The following CADM1 variants were observed in gnomAD, a reference collection of about 807,000 sequenced individuals.
The protein encoded by CADM1 is cell adhesion molecule 1, also known as TSLC-1.
A neutral mutation model predicts 53.1 loss-of-function variants in CADM1; 15 were observed. The observed-to-expected ratio is 0.28, with a 90% CI of 0.19 to 0.44. The LOEUF is 0.44. CADM1 is among the 20% of genes least tolerant of loss of function. CADM1 has a pLI of 1.00. For synonymous variants in CADM1, 281 were observed against 243.0 expected, an observed-to-expected ratio of 1.16 and a Z score of -1.45; for missense variants, 434 against 611.3, an observed-to-expected ratio of 0.71 and a Z score of 3.06.
intron 1 of CADM1, among the ~76,000 whole-genome samples, chr11:115,321,340 T>TATTTACTAA (rs1944820912): frequency 6.6e-6 from 1 of 152,130 alleles, no homozygotes; most frequent in Non-Finnish European, 1.5e-5. Flanking sequence ...AATATGCTAG[T>TATTTACTAA]GGTAAGTGCA....
intron 8 of CADM1, among the ~76,000 whole-genome samples, chr11:115,203,400 A>C (rs879616668): frequency 5.3e-5 from 8 of 152,176 alleles, no homozygotes; most frequent in Non-Finnish European, 1.2e-4. Flanking sequence ...TGTTGCCACG[A>C]GGGTAGTGAT....
chr11:115,479,144 CTTAA>C (rs1185826279), intron 1 of CADM1, among the ~76,000 whole-genome samples: 1 of 151,972 alleles, frequency 6.6e-6, no homozygotes, highest in Non-Finnish European at 1.5e-5. Context: ...GCTCTAATTG[CTTAA>C]TTATTTTGAT....
chr11:115,426,272 T>C (rs1947889678), intron 1 of CADM1, among the ~76,000 whole-genome samples: 2 of 152,148 alleles, frequency 1.3e-5, no homozygotes, highest in East Asian at 1.9e-4. Context: ...TCACAGATGA[T>C]ATAAAATTGA....
chr11:115,245,300 TA>T (rs1029874433), intron 1 of CADM1, among the ~76,000 whole-genome samples: 17 of 148,470 alleles, frequency 1.1e-4, no homozygotes, highest in East Asian at 3.9e-4. Context: ...TATTGATTGT[TA>T]AAAAAAAAAC....
chr11:115,281,387 G>C lies in CADM1; in HGVS notation c.125-40967C>G, dbSNP rs547639857. Among the ~76,000 whole-genome samples the C allele has an allele frequency of 2.6e-5, 4 of 152,326 alleles. No individual in the cohort carries two copies. In the East Asian group the frequency reaches 7.7e-4, roughly 29 times the overall value. On this transcript the variant is annotated intron_variant, in intron 1 of 11. Coordinates refer to ENST00000331581, the MANE Select transcript of CADM1 (RefSeq NM_001301043.2). ...GTCCCCCTCAAGACTTGAGCTTAAA[G>C]AGAACACTAAGATAAATGCTATTTT...
At chr11:115,465,313 C>A (rs1948875606) in intron 1 of CADM1, among the ~76,000 whole-genome samples, 1 of 152,114 alleles carries the variant, frequency 6.6e-6, no homozygotes, top group East Asian at 1.9e-4. Context: ...TTGGGCTAGT[C>A]TCATTATATC....
chr11:115,257,527 G>A (rs1349230527), intron 1 of CADM1, among the ~76,000 whole-genome samples: 3 of 152,178 alleles, frequency 2.0e-5, no homozygotes, highest in African/African-American at 7.2e-5. Context: ...CTCTAGCACT[G>A]TAACCAGAGG....
rs552309443 is a variant in CADM1, at chr11:115,369,026, T to TAAAAAAAAAAAAAAAAAAAAAA, written c.125-128628_125-128607dup. On this transcript the variant is annotated intron_variant, in intron 1 of 11. Coordinates refer to ENST00000331581, the MANE Select transcript of CADM1 (RefSeq NM_001301043.2). Reference sequence around the variant, plus strand: ...GTGCCTAGCAGAGTGAAAAAAAATCTAAAAAAAAAAAAAAAAAAAAAAAAA... The same window carrying TAAAAAAAAAAAAAAAAAAAAAA: ...GTGCCTAGCAGAGTGAAAAAAAATCTAAAAAAAAAAAAAAAAAAAAAAAAAAAAAAAAAAAAAAAAAAAAAAA... Among the ~76,000 whole-genome samples, 7 of 44,744 alleles carry TAAAAAAAAAAAAAAAAAAAAAA rather than the reference T, an allele frequency of 1.6e-4. 1 individual carries two copies. Among genetic ancestry groups the TAAAAAAAAAAAAAAAAAAAAAA allele is most frequent in the Non-Finnish European group, 2.1e-4 (5 of 24,310 alleles). 29.4% of individuals were successfully genotyped at this position (44,744 alleles called of 152,430 possible).
intron 1 of CADM1, among the ~76,000 whole-genome samples, chr11:115,369,015 G>GA (rs1027035004): frequency 4.0e-4 from 9 of 22,302 alleles, no homozygotes; most frequent in Non-Finnish European, 5.5e-4. Flanking sequence ...CTAGCAGAGT[G>GA]AAAAAAAATC....
At chr11:115,397,500 A>G (rs1947030280) in intron 1 of CADM1, 1 of 152,118 alleles carries the variant, frequency 6.6e-6, no homozygotes, top group African/African-American at 2.4e-5. Flanking sequence ...CCCCAGTCAA[A>G]GAGGAGCAGA....
chr11:115,430,581 A>AC (rs1443763559), intron 1 of CADM1, among the ~76,000 whole-genome samples: 5 of 152,244 alleles, frequency 3.3e-5, no homozygotes, highest in Admixed American at 3.3e-4. Context: ...CAAAGGGGTT[A>AC]TCAAATTTCA....
intron 1 of CADM1, among the ~76,000 whole-genome samples, chr11:115,441,475 C>T (rs1948311366): frequency 6.6e-6 from 1 of 152,140 alleles, no homozygotes; most frequent in Non-Finnish European, 1.5e-5. Context: ...ACTGCAAAAA[C>T]ACTGAAGAAA....
In CADM1 at chr11:115,175,706, A is replaced by T. The variant is rs1255628988; in HGVS notation, c.*768T>A. 2.0e-6 allele frequency: 2 copies of T among 987,868 alleles called. No individual in the cohort carries two copies. The highest frequency in any genetic ancestry group is 2.4e-6 in the Non-Finnish European group (2 of 831,514). The allele number at this position is 987,868 out of a possible 1,614,324, so 61.2% of individuals were successfully genotyped here. A position where few individuals can be genotyped will look rare whatever the true frequency, so the allele number is the denominator to read the frequency against. On this transcript the variant is annotated 3_prime_UTR_variant, in exon 12 of 12. Transcript: ENST00000331581. ...CGTCTACAGATACAGAATTAAAGAC[A>T]GTGAAATTCAATCTCATTGTGACAC...
At chr11:115,467,586 C>G (rs1948922834) in intron 1 of CADM1, among the ~76,000 whole-genome samples, 1 of 152,152 alleles carries the variant, frequency 6.6e-6, no homozygotes, top group Admixed American at 6.6e-5. Flanking sequence ...GAAATAAATA[C>G]ACTTGAAAAC....
At chr11:115,471,416 T>C (rs1949008278) in intron 1 of CADM1, among the ~76,000 whole-genome samples, 1 of 152,186 alleles carries the variant, frequency 6.6e-6, no homozygotes, top group South Asian at 2.1e-4. Flanking sequence ...GAATTAGAAG[T>C]GACTAAGAAA....
At chr11:115,351,494 T>C (rs1010921212) in intron 1 of CADM1, among the ~76,000 whole-genome samples, 5 of 152,192 alleles carry the variant, frequency 3.3e-5, no homozygotes, top group African/African-American at 9.7e-5. Flanking sequence ...TTTTGTATTC[T>C]AGCAAGCTGA....
intron 1 of CADM1, among the ~76,000 whole-genome samples, chr11:115,244,872 C>T (rs562688420): frequency 6.6e-6 from 1 of 152,196 alleles, no homozygotes; most frequent in East Asian, 1.9e-4. Flanking sequence ...TTTACTACTG[C>T]TTCCTTCTTT....
At chr11:115,439,998 C>A (rs1948273662) in intron 1 of CADM1, among the ~76,000 whole-genome samples, 1 of 152,208 alleles carries the variant, frequency 6.6e-6, no homozygotes, top group Admixed American at 6.5e-5. Flanking sequence ...GAAAGTACAG[C>A]AAACATTTAT....
At chr11:115,441,123 GAAA>G (rs547635466) in intron 1 of CADM1, among the ~76,000 whole-genome samples, 2 of 141,778 alleles carry the variant, frequency 1.4e-5, no homozygotes, top group African/African-American at 5.2e-5. Context: ...TTTCTTCTGG[GAAA>G]AAAAAAAAAA....
Sources: allele counts gnomAD v4.1 joint callset (sites outside exome capture counted in the v4.1 genomes callset), GRCh38; gene constraint gnomAD v4.1.1; transcripts MANE v1.5; gene names NCBI Gene and HGNC (gene_info 2026-07-23, HGNC 2026-07-21).